Variants in ZYG11A observed in about 807,000 individuals in gnomAD.
ZYG11A encodes protein zyg-11 homolog A.
Under a neutral mutation model 77.2 loss-of-function variants are expected in ZYG11A, and 62 were observed. That is an observed-to-expected ratio of 0.80 (90% CI 0.65 to 0.99). ZYG11A has a LOEUF of 0.99. ZYG11A is among the 50% of genes least tolerant of loss of function. ZYG11A has a pLI of 0.00. For synonymous variants in ZYG11A, 315 were observed against 324.6 expected, an observed-to-expected ratio of 0.97 and a Z score of 0.32; for missense variants, 828 against 896.8, an observed-to-expected ratio of 0.92 and a Z score of 0.98.
chr1:52,854,349 T>G (rs2149991873), intron 1 of ZYG11A, 116 bp from the exon 2 acceptor site: 1 of 960,330 alleles, frequency 1.0e-6, no homozygotes, highest in South Asian at 2.6e-5. Context: ...TACTAGAGTA[T>G]GAAGGATGTA....
intron 8 of ZYG11A, among the ~76,000 whole-genome samples, chr1:52,868,405 C>T (rs981893522): frequency 1.3e-5 from 2 of 152,132 alleles, no homozygotes; most frequent in African/African-American, 2.4e-5. Flanking sequence ...TCCTCTGGTC[C>T]CCAACAAATT....
chr1:52,861,848 G>T (rs770360164), intron 4 of ZYG11A, among the ~76,000 whole-genome samples: 64 of 152,080 alleles, frequency 4.2e-4, no homozygotes, highest in Non-Finnish European at 7.6e-4. Flanking sequence ...CTGGGGCCAG[G>T]AGTTCAAGAC....
At chr1:52,849,927 G>A (rs775011772) in intron 1 of ZYG11A, among the ~76,000 whole-genome samples, 36 of 151,878 alleles carry the variant, frequency 2.4e-4, no homozygotes, top group Non-Finnish European at 4.1e-4. Flanking sequence ...CTCGTGATCC[G>A]CCCACCTCGG....
chr1:52,846,333 T>TTTTGAA, intron 1 of ZYG11A, among the ~76,000 whole-genome samples: 3 of 12,660 alleles, frequency 2.4e-4, no homozygotes, highest in South Asian at 7.4e-3. Context: ...TATATATATA[T>TTTTGAA]ATATATATAT....
intron 4 of ZYG11A, among the ~76,000 whole-genome samples, chr1:52,861,748 AG>A (rs2149999673): frequency 6.6e-6 from 1 of 152,278 alleles, no homozygotes; most frequent in Admixed American, 6.5e-5. Flanking sequence ...ACAGCTCAAA[AG>A]CTGTATAAAG....
At chr1:52,854,734 T>A in intron 2 of ZYG11A, 104 bp downstream of exon 2, 1 of 1,205,746 alleles carries the variant, frequency 8.3e-7, no homozygotes, top group Non-Finnish European at 1.1e-6. Context: ...TATTTCCATT[T>A]CATTTGTCTG....
intron 10 of ZYG11A, among the ~76,000 whole-genome samples, chr1:52,880,730 G>C (rs959232255): frequency 4.6e-5 from 7 of 152,262 alleles, no homozygotes; most frequent in Admixed American, 3.9e-4. Flanking sequence ...GTGGCCTCCA[G>C]CAAGAAACTG....
chr1:52,876,285 G>A (rs1422636553), intron 8 of ZYG11A, among the ~76,000 whole-genome samples: 2 of 152,146 alleles, frequency 1.3e-5, no homozygotes, highest in African/African-American at 4.8e-5. Flanking sequence ...ACATTAATAT[G>A]TTGAATGTTG....
chr1:52,861,893 C>G (rs537873605), intron 4 of ZYG11A, among the ~76,000 whole-genome samples: 13 of 151,908 alleles, frequency 8.6e-5, no homozygotes, highest in Admixed American at 5.9e-4. Context: ...CCTGTCTCTA[C>G]AAAAATTTAG....
At chr1:52,884,896 TTTTC>T (rs756581333) in intron 11 of ZYG11A, among the ~76,000 whole-genome samples, 4 of 152,026 alleles carry the variant, frequency 2.6e-5, no homozygotes, top group African/African-American at 4.8e-5. Flanking sequence ...CCTATTTTCT[TTTTC>T]TTTCTTTTTT....
At chr1:52,844,460 A>G (rs1645524367) in intron 1 of ZYG11A, among the ~76,000 whole-genome samples, 1 of 151,872 alleles carries the variant, frequency 6.6e-6, no homozygotes, top group Non-Finnish European at 1.5e-5. Flanking sequence ...ACTCACACCC[A>G]TTTTCTCTGT....
intron 13 of ZYG11A, among the ~76,000 whole-genome samples, chr1:52,888,652 C>A (rs1194993407): frequency 6.6e-6 from 1 of 152,174 alleles, no homozygotes; most frequent in Admixed American, 6.5e-5. Flanking sequence ...GACACTGCAT[C>A]TGGCCAGAAA....
intron 13 of ZYG11A, among the ~76,000 whole-genome samples, chr1:52,888,087 C>T (rs1646480526): frequency 6.6e-6 from 1 of 152,104 alleles, no homozygotes; most frequent in South Asian, 2.1e-4. Flanking sequence ...AATATACCAC[C>T]ACTCACTTTA....
intron 3 of ZYG11A, among the ~76,000 whole-genome samples, chr1:52,858,438 T>C (rs958370222): frequency 2.0e-5 from 3 of 150,666 alleles, no homozygotes; most frequent in Non-Finnish European, 4.4e-5. Flanking sequence ...CCCGAGTAGC[T>C]GGGACTACAG....
intron 8 of ZYG11A, among the ~76,000 whole-genome samples, chr1:52,870,038 A>G (rs1646122878): frequency 6.8e-6 from 1 of 146,260 alleles, no homozygotes; most frequent in African/African-American, 2.5e-5. Context: ...CGGGGCGGCC[A>G]GGCAGAGACG....
At chr1:52,849,121 T>C (rs1385115722) in intron 1 of ZYG11A, among the ~76,000 whole-genome samples, 1 of 152,132 alleles carries the variant, frequency 6.6e-6, no homozygotes, top group Non-Finnish European at 1.5e-5. Context: ...TGGAATGCAG[T>C]GGCGTGATCT....
chr1:52,887,037 T>A lies in ZYG11A; in HGVS notation c.2088T>A (p.His696Gln), dbSNP rs1557459362. The A allele has an allele frequency of 9.8e-6, 15 of 1,533,396 alleles. No individual in the cohort carries two copies. Among genetic ancestry groups the A allele is most frequent in the Non-Finnish European group, 1.3e-5 (15 of 1,132,896 alleles). 95.0% of individuals were successfully genotyped at this position (1,533,396 alleles called of 1,614,324 possible). A position where few individuals can be genotyped will look rare whatever the true frequency, so the allele number is the denominator to read the frequency against. ...TCTGGGCACTATGGGCTATGTATCA[T>A]GTCTGCAGTAAAAATCGTATGTATT... ...VQLWALWAMY[H>Q]VCSKNPSKYC... Residue 696 changes from histidine to glutamine, a missense_variant, in exon 13 of 14, where the codon CAT becomes CAA. Coordinates refer to ENST00000371528, the MANE Select transcript of ZYG11A (RefSeq NM_001004339.3).
At chr1:52,846,261 C>T (rs1645574851) in intron 1 of ZYG11A, among the ~76,000 whole-genome samples, 1 of 140,472 alleles carries the variant, frequency 7.1e-6, no homozygotes. Flanking sequence ...CTGCTGTTCT[C>T]AACTAAGCTA....
intron 4 of ZYG11A, among the ~76,000 whole-genome samples, chr1:52,863,441 A>T (rs1374398284): frequency 2.6e-5 from 4 of 151,776 alleles, no homozygotes; most frequent in Non-Finnish European, 5.9e-5. Flanking sequence ...CCCTACATTT[A>T]TCTCCTCCTG....
Sources: gnomAD v4.1 joint callset for allele counts (sites outside exome capture counted in the v4.1 genomes callset) on GRCh38, gnomAD v4.1.1 for gene constraint, MANE v1.5 for transcripts, NCBI Gene and HGNC (gene_info 2026-07-23, HGNC 2026-07-21) for gene names.